Variants in FSTL4 observed in about 807,000 individuals in gnomAD.
FSTL4 encodes follistatin-related protein 4.
Under a neutral mutation model 78.2 loss-of-function variants are expected in FSTL4, and 28 were observed. That is an observed-to-expected ratio of 0.36 (90% CI 0.27 to 0.49). The LOEUF is 0.49. FSTL4 is among the 20% of genes least tolerant of loss of function. The pLI, the probability that FSTL4 is intolerant of heterozygous loss-of-function variation, is 0.98. For missense variants in FSTL4, 922 were observed against 1,084.9 expected (o/e 0.85, Z 2.11); for synonymous variants, 422 against 440.5 (o/e 0.96, Z 0.53).
chr5:133,789,309 C>T, the FSTL4 span, among the ~76,000 whole-genome samples: 1 of 152,174 alleles, frequency 6.6e-6, no homozygotes, highest in African/African-American at 2.4e-5. Flanking sequence ...CTTTGAAGAT[C>T]AATGGTATGG....
intron 3 of FSTL4, among the ~76,000 whole-genome samples, chr5:133,465,738 C>T (rs767110264): frequency 3.3e-5 from 5 of 152,176 alleles, no homozygotes; most frequent in Admixed American, 6.5e-5. Context: ...TGGGTGACAG[C>T]GACTGTGTGA....
At chr5:133,273,977 A>G (rs1201293465) in intron 6 of FSTL4, among the ~76,000 whole-genome samples, 2 of 152,182 alleles carry the variant, frequency 1.3e-5, no homozygotes, top group Admixed American at 1.3e-4. Context: ...GCTGCATCCC[A>G]CAAGGAAAGA....
chr5:133,659,955 G>C, the FSTL4 span, among the ~76,000 whole-genome samples: 2 of 152,152 alleles, frequency 1.3e-5, no homozygotes, highest in Non-Finnish European at 2.9e-5. Flanking sequence ...GGTCAGCAAA[G>C]AACAGAACAA....
intron 4 of FSTL4, among the ~76,000 whole-genome samples, chr5:133,371,960 T>C (rs17628475): frequency 0.053 from 8,086 of 152,290 alleles, 420 homozygotes; most frequent in African/African-American, 0.14. Context: ...CCCCAGCTGT[T>C]GGAAGGCTCA....
the FSTL4 span, among the ~76,000 whole-genome samples, chr5:133,785,478 T>C: frequency 6.6e-6 from 1 of 152,190 alleles, no homozygotes; most frequent in African/African-American, 2.4e-5. Flanking sequence ...TGACCAGTAC[T>C]CTTCAAGGAT....
At chr5:133,599,627 C>A (rs1287043339) in intron 2 of FSTL4, among the ~76,000 whole-genome samples, 1 of 151,768 alleles carries the variant, frequency 6.6e-6, no homozygotes. Context: ...AGAAAAAGTT[C>A]AGTAAAATGC....
At chr5:133,308,918 C>T (rs769520627) in intron 6 of FSTL4, among the ~76,000 whole-genome samples, 26 of 152,174 alleles carry the variant, frequency 1.7e-4, no homozygotes, top group African/African-American at 5.5e-4. Flanking sequence ...CCTTCCCATG[C>T]ATCCAACACA....
chr5:133,376,485 C>T (rs934486015), intron 4 of FSTL4, among the ~76,000 whole-genome samples: 2 of 152,120 alleles, frequency 1.3e-5, no homozygotes, highest in Non-Finnish European at 2.9e-5. Context: ...ATAACGAACT[C>T]TGTAGACATG....
chr5:133,418,044 C>T (rs562113458), intron 3 of FSTL4, among the ~76,000 whole-genome samples: 29 of 149,648 alleles, frequency 1.9e-4, no homozygotes, highest in Non-Finnish European at 3.7e-4. Context: ...AACTAACTTT[C>T]CACCTCAAGA....
intron 2 of FSTL4, among the ~76,000 whole-genome samples, chr5:133,589,157 G>A (rs1760566580): frequency 1.8e-5 from 1 of 56,730 alleles, no homozygotes; most frequent in African/African-American, 5.8e-5. Context: ...GAGGGGGGAG[G>A]GATAGCATTG....
chr5:133,592,101 G>A (rs999678473), intron 2 of FSTL4, among the ~76,000 whole-genome samples: 4 of 151,824 alleles, frequency 2.6e-5, no homozygotes, highest in Non-Finnish European at 5.9e-5. Context: ...CTAATACTCT[G>A]CCCACCCAGA....
At chr5:133,353,859 G>T (rs1754883756) in intron 4 of FSTL4, among the ~76,000 whole-genome samples, 1 of 152,234 alleles carries the variant, frequency 6.6e-6, no homozygotes, top group South Asian at 2.1e-4. Flanking sequence ...TTGAGCAGCG[G>T]CAGGAGCCCT....
intron 6 of FSTL4, among the ~76,000 whole-genome samples, chr5:133,255,284 T>C (rs548014610): frequency 3.5e-4 from 54 of 152,280 alleles, no homozygotes; most frequent in African/African-American, 1.2e-3. Flanking sequence ...AGGGAGCTTG[T>C]CTGGCACTAC....
At chr5:133,721,167 T>C in the FSTL4 span, among the ~76,000 whole-genome samples, 1 of 152,234 alleles carries the variant, frequency 6.6e-6, no homozygotes, top group Non-Finnish European at 1.5e-5. Flanking sequence ...TTGCCCATCT[T>C]TTTTACCCTC....
At chr5:133,563,797 C>G (rs1268466326) in intron 3 of FSTL4, among the ~76,000 whole-genome samples, 1 of 152,202 alleles carries the variant, frequency 6.6e-6, no homozygotes, top group African/African-American at 2.4e-5. Context: ...ATATTACATT[C>G]CCTGTTGAGA....
At chr5:133,777,296 A>G in the FSTL4 span, among the ~76,000 whole-genome samples, 2 of 152,248 alleles carry the variant, frequency 1.3e-5, no homozygotes, top group African/African-American at 4.8e-5. Flanking sequence ...AGTAGAATAC[A>G]AAATGTTATA....
At chr5:133,668,095 C>T in the FSTL4 span, among the ~76,000 whole-genome samples, 6 of 152,304 alleles carry the variant, frequency 3.9e-5, no homozygotes, top group Admixed American at 1.3e-4. Flanking sequence ...TGTGTCCAGA[C>T]TTTAGGGATG....
At chr5:133,593,645 A>G (rs1160452891) in intron 2 of FSTL4, among the ~76,000 whole-genome samples, 1 of 152,202 alleles carries the variant, frequency 6.6e-6, no homozygotes, top group Non-Finnish European at 1.5e-5. Context: ...CTATGAGCAC[A>G]AGTGTCCTGG....
At chr5:133,508,184 A>T (rs1561450247) in intron 3 of FSTL4, among the ~76,000 whole-genome samples, 1 of 152,220 alleles carries the variant, frequency 6.6e-6, no homozygotes, top group Non-Finnish European at 1.5e-5. Flanking sequence ...CAAAGTGATG[A>T]AAATTAAATT....
Sources: allele counts gnomAD v4.1 joint callset (sites outside exome capture counted in the v4.1 genomes callset), GRCh38; gene constraint gnomAD v4.1.1; transcripts MANE v1.5; gene names NCBI Gene and HGNC (gene_info 2026-07-23, HGNC 2026-07-21).